Variants in PTPRD observed in about 807,000 individuals in gnomAD.
PTPRD encodes the protein protein tyrosine phosphatase receptor type D.
Under a neutral mutation model 214.5 loss-of-function variants are expected in PTPRD, and 34 were observed. The observed-to-expected ratio is 0.16, with a 90% CI of 0.12 to 0.21. PTPRD has a LOEUF of 0.21. Among genes scored for constraint, PTPRD ranks in the 10% least tolerant of loss-of-function variants. PTPRD has a pLI of 1.00. For missense variants in PTPRD, 2,545 were observed against 2,398.7 expected, an observed-to-expected ratio of 1.06 and a Z score of -1.27; for synonymous variants, 1,128 against 845.7, an observed-to-expected ratio of 1.33 and a Z score of -5.79.
chr9:9,582,471 G>A (rs2091044776), intron 7 of PTPRD, among the ~76,000 whole-genome samples: 1 of 151,970 alleles, frequency 6.6e-6, no homozygotes, highest in Non-Finnish European at 1.5e-5. Context: ...ATGACAGTGT[G>A]GCATGTTATC....
chr9:10,497,460 G>C (rs762839477), intron 2 of PTPRD, among the ~76,000 whole-genome samples: 5 of 152,052 alleles, frequency 3.3e-5, no homozygotes, highest in South Asian at 2.1e-4. Context: ...TCATGCTCAA[G>C]AAATCTAATT....
rs1489549080 is a variant in PTPRD at position 9,518,900 on chromosome 9, G to T, written c.-237+55832C>A. Among the ~76,000 whole-genome samples, 3 of 151,918 alleles carry T rather than the reference G, an allele frequency of 2.0e-5. No individual in the cohort carries two copies. In the East Asian group the frequency reaches 5.8e-4, roughly 29 times the overall value. ...TATATGTCCCTCCCTTGATTAATTT[G>T]CTCTCTCTTCTCCATACTTAATATG... is the stretch of plus-strand genomic sequence containing the variant. On this transcript the variant is annotated intron_variant, in intron 8 of 45. Transcript: ENST00000381196.
chr9:9,951,347 T>C (rs1476083202), intron 4 of PTPRD, among the ~76,000 whole-genome samples: 1 of 152,202 alleles, frequency 6.6e-6, no homozygotes, highest in Admixed American at 6.5e-5. Flanking sequence ...TGTTAAAAAT[T>C]AGACCTAGGT....
At chr9:9,505,236 G>A (rs1273174292) in intron 8 of PTPRD, among the ~76,000 whole-genome samples, 1 of 151,522 alleles carries the variant, frequency 6.6e-6, no homozygotes, top group Non-Finnish European at 1.5e-5. Flanking sequence ...TAGGACTAGA[G>A]CAGCCGACTC....
At chr9:9,821,504 G>A (rs2050720274) in intron 5 of PTPRD, among the ~76,000 whole-genome samples, 1 of 152,128 alleles carries the variant, frequency 6.6e-6, no homozygotes, top group Non-Finnish European at 1.5e-5. Flanking sequence ...TATAAAGACT[G>A]TCATGTTTTG....
At chr9:9,084,274 C>G in intron 10 of PTPRD, among the ~76,000 whole-genome samples, 1 of 152,176 alleles carries the variant, frequency 6.6e-6, no homozygotes, top group South Asian at 2.1e-4. Flanking sequence ...AAGCTAGAAA[C>G]CATCATTCTC....
At chr9:9,724,810 C>T (rs1308256559) in intron 7 of PTPRD, among the ~76,000 whole-genome samples, 1 of 152,126 alleles carries the variant, frequency 6.6e-6, no homozygotes, top group Non-Finnish European at 1.5e-5. Flanking sequence ...CATTAAATAA[C>T]TCACCCAAGT....
chr9:9,038,177 GA>G (rs1217155713), intron 10 of PTPRD, among the ~76,000 whole-genome samples: 1 of 151,956 alleles, frequency 6.6e-6, no homozygotes, highest in Non-Finnish European at 1.5e-5. Context: ...AATGTAAGCT[GA>G]ATAAGAAATC....
At chr9:10,405,236 T>C (rs1243408838) in intron 2 of PTPRD, among the ~76,000 whole-genome samples, 1 of 151,694 alleles carries the variant, frequency 6.6e-6, no homozygotes, top group Non-Finnish European at 1.5e-5. Context: ...AGAGAGAATT[T>C]TGCAGGAATC....
At chr9:9,119,130 T>G (rs922480758) in intron 10 of PTPRD, among the ~76,000 whole-genome samples, 1 of 152,238 alleles carries the variant, frequency 6.6e-6, no homozygotes, top group African/African-American at 2.4e-5. Flanking sequence ...TATGTCCTGC[T>G]GGGTTCTCTG....
At chr9:9,072,336 C>T in intron 10 of PTPRD, among the ~76,000 whole-genome samples, 1 of 149,564 alleles carries the variant, frequency 6.7e-6, no homozygotes, top group East Asian at 2.0e-4. Flanking sequence ...TTAATATTCC[C>T]ATTTTGCCAT....
chr9:9,635,716 A>G (rs2095744243), intron 7 of PTPRD, among the ~76,000 whole-genome samples: 1 of 152,176 alleles, frequency 6.6e-6, no homozygotes, highest in African/African-American at 2.4e-5. Context: ...TACTTCAGCG[A>G]GCCTGAAACC....
intron 11 of PTPRD, among the ~76,000 whole-genome samples, chr9:8,901,545 C>T (rs1044706909): frequency 1.3e-5 from 2 of 152,122 alleles, no homozygotes; most frequent in Non-Finnish European, 2.9e-5. Flanking sequence ...ATGCAAAATG[C>T]TCCATGAAGT....
intron 44 of PTPRD, among the ~76,000 whole-genome samples, chr9:8,329,881 C>G (rs1418544075): frequency 6.6e-6 from 1 of 150,518 alleles, no homozygotes; most frequent in African/African-American, 2.5e-5. Flanking sequence ...GCTCGAATGG[C>G]CCAGGTGGAC....
intron 3 of PTPRD, among the ~76,000 whole-genome samples, chr9:10,237,767 T>C (rs1465316251): frequency 6.6e-6 from 1 of 151,872 alleles, no homozygotes; most frequent in Non-Finnish European, 1.5e-5. Context: ...AACACTGTCA[T>C]TAAGGGGAAC....
chr9:9,467,865 A>C (rs530698714), intron 8 of PTPRD, among the ~76,000 whole-genome samples: 2 of 152,242 alleles, frequency 1.3e-5, no homozygotes, highest in South Asian at 4.1e-4. Context: ...ATTGGTAACT[A>C]TTCATTTTAA....
chr9:9,211,513 ACG>A (rs775589495), intron 9 of PTPRD, among the ~76,000 whole-genome samples: 11 of 110,912 alleles, frequency 9.9e-5, no homozygotes, highest in African/African-American at 3.2e-4. Flanking sequence ...CAGTGTGCGC[ACG>A]CACACACACA....
At chr9:9,409,561 TGA>T (rs2074675534) in intron 8 of PTPRD, among the ~76,000 whole-genome samples, 1 of 152,058 alleles carries the variant, frequency 6.6e-6, no homozygotes, top group Non-Finnish European at 1.5e-5. Context: ...CTGCTAGAAC[TGA>T]GAGCACTTAA....
chr9:9,517,742 G>GA (rs951709782), intron 8 of PTPRD, among the ~76,000 whole-genome samples: 1 of 151,742 alleles, frequency 6.6e-6, no homozygotes, highest in Non-Finnish European at 1.5e-5. Flanking sequence ...AAAATTTCCA[G>GA]AAAAAAATGG....
Sources: gnomAD v4.1 joint callset for allele counts (sites outside exome capture counted in the v4.1 genomes callset) on GRCh38, gnomAD v4.1.1 for gene constraint, MANE v1.5 for transcripts, NCBI Gene and HGNC (gene_info 2026-07-23, HGNC 2026-07-21) for gene names.